Variants in RBFOX1 observed in about 807,000 individuals in gnomAD.
RBFOX1 encodes the protein RNA binding fox-1 homolog 1.
Under a neutral mutation model 57.7 loss-of-function variants are expected in RBFOX1, and 8 were observed. That is an observed-to-expected ratio of 0.14 (90% CI 0.08 to 0.25). The LOEUF (loss-of-function observed/expected upper bound fraction) is 0.25. Among genes scored for constraint, RBFOX1 ranks in the 10% least tolerant of loss-of-function variants. The pLI, the probability that RBFOX1 is intolerant of heterozygous loss-of-function variation, is 1.00. For missense variants in RBFOX1, 611 were observed against 548.5 expected (o/e 1.11, Z -1.14); for synonymous variants, 326 against 222.4 (o/e 1.47, Z -4.15).
chr16:7,488,758 CTT>C (rs2066119863), intron 4 of RBFOX1, among the ~76,000 whole-genome samples: 1 of 152,182 alleles, frequency 6.6e-6, no homozygotes, highest in East Asian at 1.9e-4. Context: ...CTACCTATCA[CTT>C]TATTTGTATA....
At chr16:6,559,523 T>C (rs2097151653) in intron 2 of RBFOX1, among the ~76,000 whole-genome samples, 1 of 152,026 alleles carries the variant, frequency 6.6e-6, no homozygotes, top group Non-Finnish European at 1.5e-5. Flanking sequence ...GTTGAGGAAA[T>C]GGGAAGCTTT....
chr16:5,984,495 G>C (rs1389609909), intron 4 of RBFOX1, among the ~76,000 whole-genome samples: 1 of 151,974 alleles, frequency 6.6e-6, no homozygotes, highest in Non-Finnish European at 1.5e-5. Context: ...CCTGAGCATT[G>C]TCTGTGTGGC....
At chr16:6,091,518 T>C (rs188596597) in intron 1 of RBFOX1, among the ~76,000 whole-genome samples, 1 of 116,852 alleles carries the variant, frequency 8.6e-6, no homozygotes, top group East Asian at 2.6e-4. Context: ...ACTGACTACA[T>C]GGTAGGTATT....
At chr16:6,976,050 C>G (rs918128558) in intron 3 of RBFOX1, among the ~76,000 whole-genome samples, 1 of 152,064 alleles carries the variant, frequency 6.6e-6, no homozygotes, top group Non-Finnish European at 1.5e-5. Flanking sequence ...TTGCTTGAAC[C>G]CAGTAGGTGG....
At chr16:5,352,420 G>A (rs933916718) in intron 1 of RBFOX1, among the ~76,000 whole-genome samples, 4 of 152,118 alleles carry the variant, frequency 2.6e-5, no homozygotes, top group Admixed American at 1.3e-4. Flanking sequence ...CATCTACAAT[G>A]AACACCCTAT....
At chr16:6,690,123 G>T (rs188231887) in intron 3 of RBFOX1, among the ~76,000 whole-genome samples, 23 of 152,258 alleles carry the variant, frequency 1.5e-4, no homozygotes, top group African/African-American at 4.1e-4. Context: ...ATGCTTAGAA[G>T]ATGGTCTTAG....
chr16:6,802,853 A>T (rs1279659564), intron 3 of RBFOX1, among the ~76,000 whole-genome samples: 1 of 152,230 alleles, frequency 6.6e-6, no homozygotes, highest in African/African-American at 2.4e-5. Context: ...AAACTAACTT[A>T]AGTTGCCTTT....
intron 2 of RBFOX1, among the ~76,000 whole-genome samples, chr16:6,348,631 C>T (rs767787413): frequency 2.6e-5 from 4 of 152,090 alleles, no homozygotes; most frequent in African/African-American, 4.8e-5. Flanking sequence ...TTACTCATGA[C>T]GGAAGGCAAA....
intron 2 of RBFOX1, among the ~76,000 whole-genome samples, chr16:6,406,284 A>G (rs960892868): frequency 4.6e-5 from 7 of 152,136 alleles, no homozygotes; most frequent in Non-Finnish European, 1.5e-5. Flanking sequence ...TCTGGGACTC[A>G]TGAACTTCCA....
At chr16:7,380,490 T>G (rs2097766890) in intron 4 of RBFOX1, among the ~76,000 whole-genome samples, 1 of 152,250 alleles carries the variant, frequency 6.6e-6, no homozygotes, top group Non-Finnish European at 1.5e-5. Flanking sequence ...TACTTCAGTC[T>G]TAACATCTGT....
chr16:5,860,331 T>C (rs1423815314), intron 3 of RBFOX1, among the ~76,000 whole-genome samples: 1 of 152,106 alleles, frequency 6.6e-6, no homozygotes, highest in African/African-American at 2.4e-5. Flanking sequence ...CGCCTCCACC[T>C]CCCAAAGTGC....
At chr16:6,792,523 T>G (rs2083168007) in intron 3 of RBFOX1, among the ~76,000 whole-genome samples, 1 of 152,160 alleles carries the variant, frequency 6.6e-6, no homozygotes, top group Non-Finnish European at 1.5e-5. Flanking sequence ...TTATTTCAAT[T>G]TCATATAAAG....
intron 1 of RBFOX1, among the ~76,000 whole-genome samples, chr16:5,458,848 C>T (rs1244389335): frequency 1.3e-5 from 2 of 152,216 alleles, no homozygotes; most frequent in African/African-American, 4.8e-5. Flanking sequence ...CCAGGAATGG[C>T]CAACTCTGGG....
At chr16:7,171,815 T>C (rs779930493) in intron 4 of RBFOX1, among the ~76,000 whole-genome samples, 8 of 152,220 alleles carry the variant, frequency 5.3e-5, no homozygotes, top group Non-Finnish European at 1.0e-4. Flanking sequence ...GCCATTGTCT[T>C]TTTTTAGCTA....
At chr16:5,873,699 T>A (rs1257019673) in intron 4 of RBFOX1, among the ~76,000 whole-genome samples, 3 of 152,232 alleles carry the variant, frequency 2.0e-5, no homozygotes, top group Non-Finnish European at 2.9e-5. Context: ...GTTTCACTTG[T>A]CTCATGAGGA....
At chr16:5,432,973 A>G (rs1332283227) in intron 1 of RBFOX1, among the ~76,000 whole-genome samples, 2 of 152,128 alleles carry the variant, frequency 1.3e-5, no homozygotes, top group African/African-American at 4.8e-5. Context: ...TTTAGTACAG[A>G]CAGGGTTTCA....
chr16:6,495,989 A>G (rs2095757817), intron 2 of RBFOX1, among the ~76,000 whole-genome samples: 1 of 152,220 alleles, frequency 6.6e-6, no homozygotes. Context: ...ATATTTTTAT[A>G]TGCGTCAGTG....
chr16:7,227,443 T>G (rs753965555), intron 4 of RBFOX1, among the ~76,000 whole-genome samples: 1 of 152,154 alleles, frequency 6.6e-6, no homozygotes, highest in Non-Finnish European at 1.5e-5. Flanking sequence ...CCAACCGTAT[T>G]AATAAAGCAC....
chr16:7,167,932 C>T (rs868091005), intron 4 of RBFOX1, among the ~76,000 whole-genome samples: 5 of 152,032 alleles, frequency 3.3e-5, no homozygotes, highest in Admixed American at 1.3e-4. Context: ...GGGGATGCTG[C>T]GGGGTAGGGG....
Sources: gnomAD v4.1 joint callset for allele counts (sites outside exome capture counted in the v4.1 genomes callset) on GRCh38, gnomAD v4.1.1 for gene constraint, MANE v1.5 for transcripts, NCBI Gene and HGNC (gene_info 2026-07-23, HGNC 2026-07-21) for gene names.